The following SPTBN1 variants were observed in gnomAD, a reference collection of about 807,000 sequenced individuals.
SPTBN1 encodes spectrin beta chain, non-erythrocytic 1.
SPTBN1 carries 32 observed loss-of-function variants against 266.4 expected under a neutral mutation model. The observed-to-expected ratio is 0.12, with a 90% CI of 0.09 to 0.16. The LOEUF is 0.16. SPTBN1 is among the 10% of genes least tolerant of loss of function. The pLI, the probability that SPTBN1 is intolerant of heterozygous loss-of-function variation, is 1.00. For synonymous variants in SPTBN1, 1,336 were observed against 1,162.2 expected, an observed-to-expected ratio of 1.15 and a Z score of -3.04; for missense variants, 2,296 against 3,067.1, an observed-to-expected ratio of 0.75 and a Z score of 5.94.
At chr2:54,614,224 A>G (rs1677419992) in intron 4 of SPTBN1, among the ~76,000 whole-genome samples, 1 of 152,144 alleles carries the variant, frequency 6.6e-6, no homozygotes, top group Admixed American at 6.5e-5. Flanking sequence ...AAATAATATG[A>G]TTATGAATCA....
chr2:54,649,894 C>A lies in SPTBN1; in HGVS notation c.5482C>A (p.Leu1828Ile). ...FGRIQDKHKK[L>I]PEELGRDQNT... is the part of the protein sequence containing the mutation. ...GCGTATACAGGACAAACACAAGAAA[C>A]TCCCTGAGGAGCTTGGGAGAGATCA... Residue 1828 changes from leucine to isoleucine, a missense_variant, in exon 26 of 36, where the codon CTC becomes ATC. Around this residue, in one of 12 missense-constraint regions of SPTBN1, gnomAD observed 644 missense variants for 745.3 expected, o/e 0.86. Transcript: ENST00000356805. The surrounding 1 kb of genome is among the most constrained non-coding windows in gnomAD (Gnocchi z 6.7). 6.2e-7 allele frequency: 1 copy of A among 1,614,208 alleles called. No homozygotes were observed. Among genetic ancestry groups the A allele is most frequent in the South Asian group, 1.1e-5 (1 of 91,076 alleles).
chr2:54,493,447 G>A (rs925601990), intron 1 of SPTBN1, among the ~76,000 whole-genome samples: 3 of 148,186 alleles, frequency 2.0e-5, no homozygotes, highest in African/African-American at 4.9e-5. Flanking sequence ...CTCTTGTCAC[G>A]CAGACTGGAG....
In SPTBN1 at chr2:54,669,745, A is replaced by C. The variant is rs553724855; in HGVS notation, c.*1176A>C. ...CCAGTAGGGAAACTGCAAAGGGAGA[A>C]ATGACAAACAAGAAACATTTTACAA... On this transcript the variant is annotated 3_prime_UTR_variant, in exon 36 of 36. Transcript: ENST00000356805. 2.0e-5 allele frequency: 3 copies of C among 152,750 alleles called. No individual in the cohort carries two copies. Among genetic ancestry groups the C allele is most frequent in the South Asian group, 4.1e-4 (2 of 4,830 alleles). 9.5% of individuals were successfully genotyped at this position (152,750 alleles called of 1,614,324 possible).
intron 12 of SPTBN1, among the ~76,000 whole-genome samples, chr2:54,627,504 A>G (rs190336983): frequency 6.6e-6 from 1 of 152,254 alleles, no homozygotes; most frequent in Admixed American, 6.5e-5. Flanking sequence ...TGCTCTCCTT[A>G]TTGGTTTAAA....
rs1305714528 is a variant in SPTBN1 at position 54,533,704 on chromosome 2, C to A, written c.148+7138C>A. 6.6e-6 allele frequency among the ~76,000 whole-genome samples: 1 copy of A among 152,152 alleles called. No homozygotes were observed. The highest frequency in any genetic ancestry group is 1.5e-5 in the Non-Finnish European group (1 of 68,024). On this transcript the variant is annotated intron_variant, in intron 2 of 35. Transcript: ENST00000356805. The surrounding 1 kb of genome is among the most constrained non-coding windows in gnomAD (Gnocchi z 4.2). ...TAGCTGGGACTACAGGCACCCGCCA[C>A]CACACCTGGCTAATTTTTGTATTTT...
intron 1 of SPTBN1, among the ~76,000 whole-genome samples, chr2:54,524,856 A>T (rs1022896107): frequency 3.3e-5 from 5 of 152,242 alleles, no homozygotes; most frequent in Non-Finnish European, 7.4e-5. Context: ...TGCGTGACTC[A>T]TTCCTCTTGA....
Position 54,625,558 on chromosome 2 carries a change from G to C in SPTBN1, c.1342-374G>C, listed in dbSNP as rs533896423. Among the ~76,000 whole-genome samples the C allele has an allele frequency of 2.1e-3, 318 of 151,508 alleles. 4 individuals are homozygous for C. In the South Asian group the frequency reaches 0.026, roughly 12 times the overall value. ...TCTGTTCTTTTTCCTTTTTTGGAGG[G>C]GGGGTGGCGCGGGAAATAGGTTTTT... On this transcript the variant is annotated intron_variant, in intron 11 of 35. Coordinates refer to ENST00000356805, the MANE Select transcript of SPTBN1 (RefSeq NM_003128.3).
chr2:54,606,176 T>A (rs975607612), intron 3 of SPTBN1, among the ~76,000 whole-genome samples: 2 of 152,194 alleles, frequency 1.3e-5, no homozygotes. Flanking sequence ...TTATTTGAGA[T>A]CAAGCTTTCA....
rs1671864279 is a variant in SPTBN1, at chr2:54,540,382, G to T, written c.148+13816G>T. ...GTAGAGATGGGTTTGGGAAATTTAA[G>T]GCATTGTTTGCTAGCTTAGTAGAAG... On this transcript the variant is annotated intron_variant, in intron 2 of 35. Transcript: ENST00000356805. The surrounding 1 kb of genome is among the most constrained non-coding windows in gnomAD (Gnocchi z 5.6). 6.6e-6 allele frequency among the ~76,000 whole-genome samples: 1 copy of T among 152,152 alleles called. No homozygotes were observed.
rs1174383384 is a variant in SPTBN1, at chr2:54,510,464, C to G, written c.-47-15908C>G. 2.0e-5 allele frequency among the ~76,000 whole-genome samples: 3 copies of G among 152,220 alleles called. No homozygotes were observed. The East Asian group carries it at 5.8e-4, about 29-fold the overall frequency. On this transcript the variant is annotated intron_variant, in intron 1 of 35. Coordinates refer to ENST00000356805, the MANE Select transcript of SPTBN1 (RefSeq NM_003128.3). The stretch of plus-strand genomic sequence containing the variant: ...TCCAGCTACTGCTGGTGCCCAGCCC[C>G]TGATACTTCTCTCTGTGCAGAGTCA...
rs941023391 is a variant in SPTBN1 at position 54,558,289 on chromosome 2, T to G, written c.148+31723T>G. Reference sequence around the variant, plus strand: ...CTCCTCGTGGTATAGCCTGCATTTCTAATACAATGCTGTTATGCTAATCAG... The same window carrying G: ...CTCCTCGTGGTATAGCCTGCATTTCGAATACAATGCTGTTATGCTAATCAG... On this transcript the variant is annotated intron_variant, in intron 2 of 35. Transcript: ENST00000356805. This position sits in a 1 kb window ranked among gnomAD's most constrained non-coding sequence, Gnocchi z 4.6. 5.1e-6 allele frequency: 5 copies of G among 985,554 alleles called. No homozygotes were observed. Among genetic ancestry groups the G allele is most frequent in the South Asian group, 9.4e-5 (2 of 21,338 alleles). The allele number at this position is 985,554 out of a possible 1,614,324, so 61.1% of individuals were successfully genotyped here.
At chr2:54,531,833 A>G (rs1009471785) in intron 2 of SPTBN1, among the ~76,000 whole-genome samples, 1 of 152,094 alleles carries the variant, frequency 6.6e-6, no homozygotes, top group Non-Finnish European at 1.5e-5. Context: ...AGGAGGAAAT[A>G]CAGAGAACTT....
intron 1 of SPTBN1, among the ~76,000 whole-genome samples, chr2:54,497,552 C>G (rs1030979179): frequency 1.1e-4 from 16 of 152,112 alleles, no homozygotes; most frequent in Admixed American, 1.0e-3. Context: ...TGAACAGTGA[C>G]TTGGTGTGTT....
At chr2:54,570,480 G>A (rs1389966444) in intron 2 of SPTBN1, among the ~76,000 whole-genome samples, 1 of 152,158 alleles carries the variant, frequency 6.6e-6, no homozygotes, top group East Asian at 1.9e-4. Context: ...AAGTCTGGAG[G>A]CTCTGTTCTA....
intron 2 of SPTBN1, among the ~76,000 whole-genome samples, chr2:54,565,621 A>G (rs1200311444): frequency 6.6e-6 from 1 of 152,236 alleles, no homozygotes; most frequent in East Asian, 1.9e-4. Context: ...CTTAATAAAT[A>G]ATCTATTGAA....
At position 54,464,702 on chromosome 2, in the gene SPTBN1, T is replaced by G. The variant is rs563389390; in HGVS notation, c.-48+8184T>G. ...TTGTTTTATTTTGTTTTCTTTTGTT[T>G]TGTTTGAGACAGAGTCTTATTCTGT... On this transcript the variant is annotated intron_variant, in intron 1 of 35. Coordinates refer to ENST00000356805, the MANE Select transcript of SPTBN1 (RefSeq NM_003128.3). Among the ~76,000 whole-genome samples the G allele has an allele frequency of 2.0e-5, 3 of 152,336 alleles. No individual in the cohort carries two copies. The South Asian group carries it at 6.2e-4, about 32-fold the overall frequency.
Position 54,593,025 on chromosome 2 carries a change from T to C in SPTBN1, c.149-6067T>C, listed in dbSNP as rs777226622. 2.6e-5 allele frequency among the ~76,000 whole-genome samples: 4 copies of C among 152,190 alleles called. No homozygotes were observed. In the East Asian group the frequency reaches 5.8e-4, roughly 22 times the overall value. ...TGGCAATGTTATTGCAGACACACCA[T>C]CTTATAAAATTCCATCTGGAGGAAG... On this transcript the variant is annotated intron_variant, in intron 2 of 35. Coordinates refer to ENST00000356805, the MANE Select transcript of SPTBN1 (RefSeq NM_003128.3).
At chr2:54,579,217 G>A (rs1674703261) in intron 2 of SPTBN1, among the ~76,000 whole-genome samples, 1 of 152,002 alleles carries the variant, frequency 6.6e-6, no homozygotes, top group African/African-American at 2.4e-5. Flanking sequence ...AGTGTTCTTA[G>A]CTCATAGAAG....
At chr2:54,658,793 C>G (rs1680844483) in intron 30 of SPTBN1, among the ~76,000 whole-genome samples, 1 of 152,196 alleles carries the variant, frequency 6.6e-6, no homozygotes. Flanking sequence ...AGCTCTGTCC[C>G]TGGTGTTTGT....
Sources: gnomAD v4.1 joint callset for allele counts (sites outside exome capture counted in the v4.1 genomes callset) on GRCh38, gnomAD v4.1.1 for gene constraint, gnomAD v4.1.1 regional missense constraint, Gnocchi (gnomAD v3.1) non-coding constraint, MANE v1.5 for transcripts, NCBI Gene and HGNC (gene_info 2026-07-23, HGNC 2026-07-21) for gene names.